Variants in C12orf42 observed in about 807,000 individuals in gnomAD.
C12orf42 encodes uncharacterized protein C12orf42.
C12orf42 carries 25 observed loss-of-function variants against 21.6 expected under a neutral mutation model. That is an observed-to-expected ratio of 1.16 (90% confidence interval 0.84 to 1.62). The LOEUF is 1.62. C12orf42 is among the 40% of genes most tolerant of loss of function. C12orf42 has a pLI of 0.00. For missense variants in C12orf42, 483 were observed against 459.3 expected (o/e 1.05, Z -0.47); for synonymous variants, 174 against 175.0 (o/e 0.99, Z 0.05).
the C12orf42 span, among the ~76,000 whole-genome samples, chr12:103,536,100 A>G: frequency 6.6e-6 from 1 of 152,162 alleles, no homozygotes; most frequent in East Asian, 1.9e-4. Context: ...GAATTGTAAG[A>G]ATGAATTGAT....
At chr12:103,257,035 A>T (rs186159772) in intron 10 of C12orf42, among the ~76,000 whole-genome samples, 72 of 152,302 alleles carry the variant, frequency 4.7e-4, no homozygotes, top group Non-Finnish European at 7.6e-4. Context: ...ATACAGCCAT[A>T]AAAAAGAATT....
At chr12:103,367,858 C>T (rs1195461229) in intron 4 of C12orf42, among the ~76,000 whole-genome samples, 1 of 152,008 alleles carries the variant, frequency 6.6e-6, no homozygotes, top group Admixed American at 6.6e-5. Flanking sequence ...AATTACATTA[C>T]TCCAAGAGTT....
At chr12:103,090,758 G>A in the C12orf42 span, among the ~76,000 whole-genome samples, 1 of 151,962 alleles carries the variant, frequency 6.6e-6, no homozygotes, top group Non-Finnish European at 1.5e-5. Context: ...TACAAATTCT[G>A]CCTTTAAACC....
At chr12:103,053,207 A>G in the C12orf42 span, among the ~76,000 whole-genome samples, 1 of 151,858 alleles carries the variant, frequency 6.6e-6, no homozygotes. Context: ...TTTGCATGCA[A>G]TTGTAAGAGA....
At chr12:103,424,051 G>A (rs893578604) in intron 2 of C12orf42, among the ~76,000 whole-genome samples, 1 of 152,164 alleles carries the variant, frequency 6.6e-6, no homozygotes, top group African/African-American at 2.4e-5. Context: ...GGCCATTTTG[G>A]CAAATGAATG....
chr12:103,404,807 G>GA (rs1162064480), intron 2 of C12orf42, among the ~76,000 whole-genome samples: 1 of 152,070 alleles, frequency 6.6e-6, no homozygotes. Context: ...TTAAAGGAGG[G>GA]AAAAAAAGCC....
chr12:103,340,698 C>G (rs773243962), intron 4 of C12orf42, among the ~76,000 whole-genome samples: 3 of 152,094 alleles, frequency 2.0e-5, no homozygotes, highest in African/African-American at 7.2e-5. Context: ...TAAGTAGAGA[C>G]AGAAAGACCT....
chr12:103,314,517 A>G (rs1219157476), intron 4 of C12orf42, among the ~76,000 whole-genome samples: 2 of 152,320 alleles, frequency 1.3e-5, no homozygotes, highest in South Asian at 4.1e-4. Flanking sequence ...GAGAATAAAA[A>G]TCTTCTGGGG....
At chr12:103,371,788 T>C (rs1015054776) in intron 3 of C12orf42, among the ~76,000 whole-genome samples, 1 of 152,156 alleles carries the variant, frequency 6.6e-6, no homozygotes, top group Non-Finnish European at 1.5e-5. Context: ...CTCCACATCC[T>C]GATCTCTATA....
At chr12:103,058,850 T>C in the C12orf42 span, among the ~76,000 whole-genome samples, 192 of 152,302 alleles carry the variant, frequency 1.3e-3, 3 homozygotes, top group Non-Finnish European at 1.8e-3. Flanking sequence ...GAGAAATTTA[T>C]AGCACTAAGT....
the C12orf42 span, among the ~76,000 whole-genome samples, chr12:103,225,751 G>A: frequency 6.6e-6 from 1 of 152,266 alleles, no homozygotes; most frequent in Admixed American, 6.5e-5. Context: ...AGGTTTAGAA[G>A]CCTGACCATC....
chr12:103,132,908 A>AGCT, the C12orf42 span, among the ~76,000 whole-genome samples: 1 of 152,158 alleles, frequency 6.6e-6, no homozygotes, highest in Non-Finnish European at 1.5e-5. Context: ...AGAGCTGCTC[A>AGCT]GCTGCTACTG....
chr12:103,556,466 G>T, the C12orf42 span, among the ~76,000 whole-genome samples: 1 of 152,164 alleles, frequency 6.6e-6, no homozygotes, highest in African/African-American at 2.4e-5. Flanking sequence ...TTGGCTTTGA[G>T]TGTTACTTTC....
chr12:103,138,215 C>G, the C12orf42 span, among the ~76,000 whole-genome samples: 1 of 152,128 alleles, frequency 6.6e-6, no homozygotes, highest in African/African-American at 2.4e-5. Flanking sequence ...TCTCTGGAAG[C>G]TGCATGATAT....
intron 2 of C12orf42, among the ~76,000 whole-genome samples, chr12:103,410,842 C>A (rs1436606649): frequency 6.6e-6 from 1 of 152,078 alleles, no homozygotes; most frequent in Non-Finnish European, 1.5e-5. Flanking sequence ...TGAAAGCCAG[C>A]CATAAGGAAA....
Position 103,306,316 on chromosome 12 carries a change from C to A in C12orf42, c.289G>T (p.Ala97Ser), listed in dbSNP as rs1220753866. The change falls in exon 5 of 6, where the codon GCG becomes TCG. Residue 97 changes from alanine to serine, a missense_variant. Ala to Ser is a moderately conservative substitution (Grantham distance 99). Transcript: ENST00000548883. ...VFPERTQNSM[A>S]CKRLLHTCQY... Reference sequence around the variant, plus strand: ...CAAGTATGAAGTAGTCTTTTACACGCCATTGAATTTTGAGTCCTTTCTGGA... The same window carrying A: ...CAAGTATGAAGTAGTCTTTTACACGACATTGAATTTTGAGTCCTTTCTGGA... 1 of 1,608,630 alleles carries A rather than the reference C, an allele frequency of 6.2e-7. No individual in the cohort carries two copies. Among genetic ancestry groups the A allele is most frequent in the Admixed American group, 1.7e-5 (1 of 59,114 alleles).
intron 5 of C12orf42, 148 bp downstream of exon 5, chr12:103,305,826 C>T: frequency 1.0e-6 from 1 of 984,888 alleles, no homozygotes; most frequent in African/African-American, 1.6e-5. Flanking sequence ...AGCAGACTTT[C>T]ATTGAAGACT....
At chr12:103,329,823 G>T (rs1361208347) in intron 4 of C12orf42, among the ~76,000 whole-genome samples, 1 of 151,610 alleles carries the variant, frequency 6.6e-6, no homozygotes, top group Non-Finnish European at 1.5e-5. Flanking sequence ...CCTTTCTATT[G>T]CTACAAATAG....
At chr12:103,297,960 T>C (rs1593322262), downstream of C12orf42, among the ~76,000 whole-genome samples, 1 of 150,958 alleles carries the variant, frequency 6.6e-6, no homozygotes, top group Non-Finnish European at 1.5e-5. Flanking sequence ...TATCTCAAAA[T>C]AATAAGAGCT....
Sources: allele counts gnomAD v4.1 joint callset (sites outside exome capture counted in the v4.1 genomes callset), GRCh38; gene constraint gnomAD v4.1.1; transcripts MANE v1.5; gene names NCBI Gene and HGNC (gene_info 2026-07-23, HGNC 2026-07-21).